The following PRDM16 variants were observed in gnomAD, a reference collection of about 807,000 sequenced individuals.
PRDM16 encodes histone-lysine N-methyltransferase PRDM16.
In PRDM16, 23 loss-of-function variants were observed where a neutral mutation model predicts 110.6. That is an observed-to-expected ratio of 0.21 (90% CI 0.15 to 0.29). The LOEUF (loss-of-function observed/expected upper bound fraction) is 0.29, where lower values mean the gene tolerates loss of function less well. PRDM16 is among the 10% of genes least tolerant of loss of function. PRDM16 has a pLI of 1.00. For synonymous variants in PRDM16, 799 were observed against 781.8 expected, an observed-to-expected ratio of 1.02 and a Z score of -0.37; for missense variants, 1,615 against 1,794.3, an observed-to-expected ratio of 0.90 and a Z score of 1.81.
At chr1:3,072,918 G>T (rs115461137) in intron 1 of PRDM16, among the ~76,000 whole-genome samples, 2,043 of 152,378 alleles carry the variant, frequency 0.013, 48 homozygotes, top group African/African-American at 0.047. Context: ...GGTGTGCCAT[G>T]GCTCGGAAGC....
chr1:3,123,477 G>C (rs1005024510), intron 1 of PRDM16, among the ~76,000 whole-genome samples: 1 of 152,250 alleles, frequency 6.6e-6, no homozygotes. Context: ...GGCCTTCCTG[G>C]AGGAGGGGGC....
At chr1:3,165,986 C>A (rs1643951832) in intron 1 of PRDM16, among the ~76,000 whole-genome samples, 1 of 152,216 alleles carries the variant, frequency 6.6e-6, no homozygotes, top group South Asian at 2.1e-4. Flanking sequence ...GTTGTGGACC[C>A]AACAAGGTGC....
Position 3,101,958 on chromosome 1 carries a change from C to T in PRDM16, c.37+32662C>T, listed in dbSNP as rs575060357. Among the ~76,000 whole-genome samples, 6 of 152,304 alleles carry T rather than the reference C, an allele frequency of 3.9e-5. No individual in the cohort carries two copies. In the South Asian group the frequency reaches 1.2e-3, roughly 32 times the overall value. ...TGGGGGCCAGCCGAAAAGCACAGCCCCTCCAAGGAAGGAGAGTTCACACGG... is the reference window on the plus strand; with the variant it reads ...TGGGGGCCAGCCGAAAAGCACAGCCTCTCCAAGGAAGGAGAGTTCACACGG... On this transcript the variant is annotated intron_variant, in intron 1 of 16. Transcript: ENST00000270722.
chr1:3,313,902 T>C (rs1641528253), intron 3 of PRDM16, among the ~76,000 whole-genome samples: 1 of 152,246 alleles, frequency 6.6e-6, no homozygotes, highest in African/African-American at 2.4e-5. Flanking sequence ...ATGTGAACAC[T>C]GTTCGCGCCC....
intron 2 of PRDM16, among the ~76,000 whole-genome samples, chr1:3,235,903 G>T (rs1639529293): frequency 6.6e-6 from 1 of 152,236 alleles, no homozygotes; most frequent in Non-Finnish European, 1.5e-5. Flanking sequence ...CATGGCGGGG[G>T]AGTGGGGGTT....
At chr1:3,404,146 T>C (rs1643519778) in intron 6 of PRDM16, among the ~76,000 whole-genome samples, 1 of 152,166 alleles carries the variant, frequency 6.6e-6, no homozygotes, top group Non-Finnish European at 1.5e-5. Flanking sequence ...TCATGAAGAT[T>C]AACGGTCATC....
intron 14 of PRDM16, among the ~76,000 whole-genome samples, chr1:3,427,696 G>A (rs997531386): frequency 3.9e-5 from 6 of 152,150 alleles, no homozygotes; most frequent in Admixed American, 3.9e-4. Flanking sequence ...CTCACCTGTA[G>A]GGCCCTCAGC....
At chr1:3,416,619 G>A (rs536233082) in intron 10 of PRDM16, among the ~76,000 whole-genome samples, 14 of 152,204 alleles carry the variant, frequency 9.2e-5, no homozygotes, top group Non-Finnish European at 1.9e-4. Flanking sequence ...CTCTGCATCT[G>A]TATCAGCTCC....
At position 3,265,896 on chromosome 1, in the gene PRDM16, G is replaced by A. The variant is rs1164793717; in HGVS notation, c.438+21759G>A. On this transcript the variant is annotated intron_variant, in intron 3 of 16. Coordinates refer to ENST00000270722, the MANE Select transcript of PRDM16 (RefSeq NM_022114.4). This position sits in a 1 kb window ranked among gnomAD's most constrained non-coding sequence, Gnocchi z 4.5. ...GTCGTGCAGTGCTCCCCAGGGCTCC[G>A]CACTGCTCCCCAGGGTTCCTTGGTG... Among the ~76,000 whole-genome samples, 3 of 151,786 alleles carry A rather than the reference G, an allele frequency of 2.0e-5. No homozygotes were observed. The highest frequency in any genetic ancestry group is 2.9e-5 in the Non-Finnish European group (2 of 67,940).
At chr1:3,312,078 G>C (rs1473244117) in intron 3 of PRDM16, among the ~76,000 whole-genome samples, 1 of 152,204 alleles carries the variant, frequency 6.6e-6, no homozygotes, top group African/African-American at 2.4e-5. Context: ...TCGCAGCCCG[G>C]CTGCTCCCCC....
chr1:3,311,071 C>T (rs886722939), intron 3 of PRDM16, among the ~76,000 whole-genome samples: 1 of 152,190 alleles, frequency 6.6e-6, no homozygotes, highest in African/African-American at 2.4e-5. Context: ...CTGAACCCGG[C>T]CCCAGGACTT....
At chr1:3,312,850 T>C (rs1641496253) in intron 3 of PRDM16, among the ~76,000 whole-genome samples, 2 of 152,240 alleles carry the variant, frequency 1.3e-5, no homozygotes, top group African/African-American at 4.8e-5. Flanking sequence ...CTTGTGATCC[T>C]AACATGTGGT....
chr1:3,348,663 C>A (rs1642413461), intron 3 of PRDM16, among the ~76,000 whole-genome samples: 2 of 152,262 alleles, frequency 1.3e-5, no homozygotes, highest in South Asian at 2.1e-4. Flanking sequence ...CCTTGAATGT[C>A]AGGTGCCACC....
chr1:3,160,094 C>T (rs972584390), intron 1 of PRDM16, among the ~76,000 whole-genome samples: 1 of 152,230 alleles, frequency 6.6e-6, no homozygotes, highest in Non-Finnish European at 1.5e-5. Flanking sequence ...TCATGGGGGG[C>T]ACCAGCCATG....
chr1:3,357,298 A>G (rs573076849), intron 3 of PRDM16, among the ~76,000 whole-genome samples: 2 of 152,010 alleles, frequency 1.3e-5, no homozygotes, highest in South Asian at 4.1e-4. Flanking sequence ...CGAAGGCTGC[A>G]TTCCTGCTCT....
intron 2 of PRDM16, among the ~76,000 whole-genome samples, chr1:3,234,828 G>A (rs181178059): frequency 3.3e-5 from 5 of 152,392 alleles, no homozygotes; most frequent in Admixed American, 2.0e-4. Flanking sequence ...CGGAGGGGCC[G>A]TGATGGTGCC....
At chr1:3,422,739 C>G (rs925642376) in intron 12 of PRDM16, among the ~76,000 whole-genome samples, 1 of 152,178 alleles carries the variant, frequency 6.6e-6, no homozygotes, top group Non-Finnish European at 1.5e-5. Flanking sequence ...GGGCTCCATC[C>G]TCGGCCTTAT....
chr1:3,156,745 G>A (rs546235987), intron 1 of PRDM16, among the ~76,000 whole-genome samples: 1 of 152,336 alleles, frequency 6.6e-6, no homozygotes, highest in African/African-American at 2.4e-5. Context: ...GCCCCTGCCC[G>A]GCTCAAGCAG....
intron 1 of PRDM16, among the ~76,000 whole-genome samples, chr1:3,112,871 C>T (rs1282892946): frequency 6.6e-6 from 1 of 152,274 alleles, no homozygotes; most frequent in Non-Finnish European, 1.5e-5. Context: ...CCCCATCATC[C>T]TCCTGTGGAA....
Sources: gnomAD v4.1 joint callset for allele counts (sites outside exome capture counted in the v4.1 genomes callset) on GRCh38, gnomAD v4.1.1 for gene constraint, Gnocchi (gnomAD v3.1) non-coding constraint, MANE v1.5 for transcripts, NCBI Gene and HGNC (gene_info 2026-07-23, HGNC 2026-07-21) for gene names.